The following GALNT13 variants were observed in gnomAD, a reference collection of about 807,000 sequenced individuals.
The protein encoded by GALNT13 is UDP-GalNAc:polypeptide N-acetylgalactosaminyltransferase 13.
GALNT13 carries 28 observed loss-of-function variants against 64.2 expected under a neutral mutation model. That is an observed-to-expected ratio of 0.44 (90% CI 0.32 to 0.60). GALNT13 has a LOEUF of 0.60. Among genes scored for constraint, GALNT13 ranks in the 20% least tolerant of loss-of-function variants. The pLI is 0.05. For missense variants in GALNT13, 577 were observed against 669.8 expected (o/e 0.86, Z 1.53); for synonymous variants, 214 against 224.6 (o/e 0.95, Z 0.42).
At chr2:154,398,527 T>G (rs551039622) in intron 10 of GALNT13, among the ~76,000 whole-genome samples, 15 of 152,314 alleles carry the variant, frequency 9.8e-5, no homozygotes, top group African/African-American at 3.4e-4. Flanking sequence ...ATGGATCAGG[T>G]GACCATATTT....
At chr2:153,676,406 C>A in the GALNT13 span, among the ~76,000 whole-genome samples, 2 of 152,020 alleles carry the variant, frequency 1.3e-5, no homozygotes, top group Admixed American at 1.3e-4. Context: ...CAGGACCAGA[C>A]AGATTCATAA....
chr2:154,300,087 C>A (rs367901626), intron 8 of GALNT13, among the ~76,000 whole-genome samples: 1 of 122,328 alleles, frequency 8.2e-6, no homozygotes, highest in Non-Finnish European at 1.7e-5. Flanking sequence ...GTTTTTTTTT[C>A]TTTCTTTCTC....
At chr2:153,885,596 A>G (rs1687118716) in intron 1 of GALNT13, among the ~76,000 whole-genome samples, 1 of 152,130 alleles carries the variant, frequency 6.6e-6, no homozygotes, top group African/African-American at 2.4e-5. Context: ...AGTGGATTCC[A>G]GATAGAGGCA....
the GALNT13 span, among the ~76,000 whole-genome samples, chr2:153,353,736 G>A: frequency 6.6e-6 from 1 of 152,206 alleles, no homozygotes; most frequent in East Asian, 1.9e-4. Context: ...ACCCTTTGAT[G>A]TAAAGAATTA....
the GALNT13 span, among the ~76,000 whole-genome samples, chr2:153,805,823 ATTCT>A: frequency 6.6e-6 from 1 of 152,054 alleles, no homozygotes; most frequent in African/African-American, 2.4e-5. Context: ...TAGGATTCTG[ATTCT>A]TTATGAAGAA....
chr2:153,625,370 A>G, the GALNT13 span, among the ~76,000 whole-genome samples: 1 of 152,124 alleles, frequency 6.6e-6, no homozygotes, highest in African/African-American at 2.4e-5. Context: ...CTACAAACAA[A>G]CACTTCTTTG....
intron 3 of GALNT13, among the ~76,000 whole-genome samples, chr2:154,094,228 G>A (rs1403987735): frequency 1.3e-5 from 2 of 151,894 alleles, no homozygotes; most frequent in Non-Finnish European, 2.9e-5. Flanking sequence ...CAGTTTCCAG[G>A]GTAGCAAAGT....
the GALNT13 span, among the ~76,000 whole-genome samples, chr2:153,300,055 A>G: frequency 6.2e-4 from 95 of 152,316 alleles, no homozygotes; most frequent in African/African-American, 2.2e-3. Context: ...GAAGGGCCAC[A>G]TTCCACAAGC....
intron 3 of GALNT13, among the ~76,000 whole-genome samples, chr2:154,097,317 T>A (rs1404649362): frequency 6.6e-6 from 1 of 152,016 alleles, no homozygotes; most frequent in Non-Finnish European, 1.5e-5. Flanking sequence ...CAAAACCTCT[T>A]GAATTATGCT....
chr2:154,152,890 G>C (rs1028831278), intron 4 of GALNT13, among the ~76,000 whole-genome samples: 5 of 152,064 alleles, frequency 3.3e-5, no homozygotes, highest in South Asian at 2.1e-4. Flanking sequence ...CCTCCTGTAG[G>C]TTGGAGTAGT....
chr2:154,038,210 T>G (rs1368175769), intron 3 of GALNT13, among the ~76,000 whole-genome samples: 3 of 152,130 alleles, frequency 2.0e-5, no homozygotes, highest in Non-Finnish European at 4.4e-5. Flanking sequence ...CAAAGCAATC[T>G]CAGGTTCAGT....
At chr2:153,566,047 T>C in the GALNT13 span, among the ~76,000 whole-genome samples, 4 of 152,214 alleles carry the variant, frequency 2.6e-5, no homozygotes, top group Admixed American at 6.5e-5. Flanking sequence ...AATAAAGTAA[T>C]GTAATTTTAA....
the GALNT13 span, among the ~76,000 whole-genome samples, chr2:153,264,758 A>G: frequency 1.3e-5 from 2 of 152,168 alleles, no homozygotes; most frequent in Non-Finnish European, 2.9e-5. Context: ...GTGAGAACAC[A>G]TGGACACAGG....
At chr2:153,744,246 A>G in the GALNT13 span, among the ~76,000 whole-genome samples, 1 of 151,812 alleles carries the variant, frequency 6.6e-6, no homozygotes, top group African/African-American at 2.4e-5. Context: ...TTTTTGAGAA[A>G]CCTCCAAACT....
chr2:154,026,757 T>C (rs192734354), intron 3 of GALNT13, among the ~76,000 whole-genome samples: 1 of 152,294 alleles, frequency 6.6e-6, no homozygotes, highest in East Asian at 1.9e-4. Flanking sequence ...TTCAAAATGT[T>C]TAGAGCTTCA....
chr2:154,026,732 C>G (rs1230859321), intron 3 of GALNT13, among the ~76,000 whole-genome samples: 1 of 152,118 alleles, frequency 6.6e-6, no homozygotes, highest in Non-Finnish European at 1.5e-5. Flanking sequence ...CCTACAAACC[C>G]TAGCTCCAAA....
intron 8 of GALNT13, among the ~76,000 whole-genome samples, chr2:154,291,083 C>T (rs983220912): frequency 1.3e-5 from 2 of 151,994 alleles, no homozygotes; most frequent in Non-Finnish European, 2.9e-5. Context: ...CCTTCCACAG[C>T]GTGGAAAGGG....
chr2:154,288,378 C>T (rs1692400718), intron 8 of GALNT13, among the ~76,000 whole-genome samples: 1 of 152,024 alleles, frequency 6.6e-6, no homozygotes, highest in Non-Finnish European at 1.5e-5. Flanking sequence ...TGGCCCCTCC[C>T]AAATGTGAGC....
the GALNT13 span, among the ~76,000 whole-genome samples, chr2:153,332,016 G>C: frequency 6.6e-6 from 1 of 152,054 alleles, no homozygotes; most frequent in Non-Finnish European, 1.5e-5. Flanking sequence ...GTTTCTGTGG[G>C]TTTGGTTGTA....
Sources: gnomAD v4.1 joint callset for allele counts (sites outside exome capture counted in the v4.1 genomes callset) on GRCh38, gnomAD v4.1.1 for gene constraint, MANE v1.5 for transcripts, NCBI Gene and HGNC (gene_info 2026-07-23, HGNC 2026-07-21) for gene names.